DIAPH1: variants seen among roughly 807,000 people sequenced by gnomAD.
DIAPH1 encodes diaphanous related formin 1.
In DIAPH1, 46 loss-of-function variants were observed where a neutral mutation model predicts 140.7. The observed-to-expected ratio is 0.33, with a 90% CI of 0.26 to 0.42. DIAPH1 has a LOEUF of 0.42. Among genes scored for constraint, DIAPH1 ranks in the 10% least tolerant of loss-of-function variants. The pLI is 1.00. For missense variants in DIAPH1, 1,310 were observed against 1,558.7 expected, an observed-to-expected ratio of 0.84 and a Z score of 2.69; for synonymous variants, 565 against 551.6, an observed-to-expected ratio of 1.02 and a Z score of -0.34.
At chr5:141,566,385 G>GT (rs935185673) in intron 18 of DIAPH1, among the ~76,000 whole-genome samples, 129 of 152,308 alleles carry the variant, frequency 8.5e-4, no homozygotes, top group African/African-American at 3.1e-3. Flanking sequence ...GAGCTAAATT[G>GT]TTTGAGAAAT....
Position 141,565,672 on chromosome 5 carries a change from TGAG to T in DIAPH1, c.2482+5753_2482+5755del, listed in dbSNP as rs566623300. ...TGAGGATGAGGGAGGTTTGGGCTGT[TGAG>T]GAGGAAAAAAAGGTGTGAAATAACC... is the stretch of plus-strand genomic sequence containing the variant. On this transcript the variant is annotated intron_variant, in intron 18 of 27. Transcript: ENST00000389054. This position sits in a 1 kb window ranked among gnomAD's most constrained non-coding sequence, Gnocchi z 4.3. 2.6e-5 allele frequency among the ~76,000 whole-genome samples: 4 copies of T among 151,994 alleles called. No individual in the cohort carries two copies. The highest frequency in any genetic ancestry group is 5.9e-5 in the Non-Finnish European group (4 of 67,978).
chr5:141,550,891 G>A (rs189757419), intron 18 of DIAPH1, among the ~76,000 whole-genome samples: 123 of 152,268 alleles, frequency 8.1e-4, no homozygotes, highest in Non-Finnish European at 1.4e-3. Context: ...CATGTAACAC[G>A]AATAGTCTTA....
At chr5:141,540,327 G>A (rs2099889779) in intron 18 of DIAPH1, among the ~76,000 whole-genome samples, 1 of 151,878 alleles carries the variant, frequency 6.6e-6, no homozygotes, top group African/African-American at 2.4e-5. Context: ...ATATCGCCCA[G>A]GCTAGAATGA....
chr5:141,527,512 C>T (rs2099887550), intron 24 of DIAPH1, 61 bp downstream of exon 24: 4 of 1,584,100 alleles, frequency 2.5e-6, no homozygotes, highest in Non-Finnish European at 3.4e-6. Context: ...GTTTTTCCCC[C>T]ACTACAGGAA....
chr5:141,523,773 T>G (rs2099886901), intron 27 of DIAPH1, among the ~76,000 whole-genome samples: 1 of 151,332 alleles, frequency 6.6e-6, no homozygotes, highest in African/African-American at 2.4e-5. Flanking sequence ...TCTGACTTAT[T>G]TTTTCTTTGA....
At chr5:141,556,877 T>C (rs1306730680) in intron 18 of DIAPH1, among the ~76,000 whole-genome samples, 1 of 152,140 alleles carries the variant, frequency 6.6e-6, no homozygotes, top group African/African-American at 2.4e-5. Context: ...GTATTTTTAG[T>C]AGAGACGAGG....
At chr5:141,591,712 A>ATATATATATATATATATT (rs1426398756) in intron 1 of DIAPH1, among the ~76,000 whole-genome samples, 1 of 71,674 alleles carries the variant, frequency 1.4e-5, no homozygotes, top group Non-Finnish European at 3.1e-5. Flanking sequence ...ATATATATAT[A>ATATATATATATATATATT]TATATATATA....
Position 141,570,391 on chromosome 5 carries a change from G to C in DIAPH1, c.2482+1037C>G, listed in dbSNP as rs114722666. 3.8e-3 allele frequency among the ~76,000 whole-genome samples: 571 copies of C among 152,170 alleles called. 3 individuals are homozygous for C. Among genetic ancestry groups the C allele is most frequent in the African/African-American group, 0.012 (514 of 41,502 alleles). ...TAAGAGAGTGGAATTAATCCCTTAG[G>C]CTGGACTTTGGCATGGAAGGTGACA... On this transcript the variant is annotated intron_variant, in intron 18 of 27. Coordinates refer to ENST00000389054, the MANE Select transcript of DIAPH1 (RefSeq NM_005219.5).
At chr5:141,532,285 C>T (rs2099888351) in intron 19 of DIAPH1, among the ~76,000 whole-genome samples, 1 of 152,138 alleles carries the variant, frequency 6.6e-6, no homozygotes, top group Non-Finnish European at 1.5e-5. Context: ...GATCCTTCTG[C>T]CTTAGCCTCC....
At chr5:141,605,436 C>T (rs954736399) in intron 1 of DIAPH1, among the ~76,000 whole-genome samples, 1 of 152,038 alleles carries the variant, frequency 6.6e-6, no homozygotes, top group Non-Finnish European at 1.5e-5. Flanking sequence ...AAAAAGCACA[C>T]ACAAAAAATC....
At chr5:141,615,428 T>C (rs573628260) in intron 1 of DIAPH1, among the ~76,000 whole-genome samples, 28 of 59,676 alleles carry the variant, frequency 4.7e-4, no homozygotes, top group African/African-American at 1.6e-3. Context: ...AAGACTCGTC[T>C]CAGAAAAAGA....
rs56010216 is a variant in DIAPH1 at position 141,528,398 on chromosome 5, T to C, written c.3148+55A>G. 5,673 of 1,612,604 alleles carry C rather than the reference T, an allele frequency of 3.5e-3. 17 individuals carry two copies. The highest frequency in any genetic ancestry group is 4.4e-3 in the Non-Finnish European group (5,242 of 1,179,598). On this transcript the variant is annotated intron_variant, in intron 23 of 27. Coordinates refer to ENST00000389054, the MANE Select transcript of DIAPH1 (RefSeq NM_005219.5). ...GCTCTCACATCTAGACTGTGTCTTA[T>C]TTCCCTCCCCATGCAGAGACTTTTG... is the stretch of plus-strand genomic sequence containing the variant.
At chr5:141,563,134 C>A (rs1024943464) in intron 18 of DIAPH1, 2 of 152,302 alleles carry the variant, frequency 1.3e-5, no homozygotes, top group African/African-American at 2.4e-5. Context: ...TCACTCTGCC[C>A]TCCATCCATC....
At chr5:141,594,499 T>C (rs542732180) in intron 1 of DIAPH1, among the ~76,000 whole-genome samples, 31 of 152,274 alleles carry the variant, frequency 2.0e-4, no homozygotes, top group African/African-American at 5.1e-4. Context: ...CATGGCACTC[T>C]GGGAGGCTGA....
At chr5:141,571,864 C>G (rs1490193963) in intron 17 of DIAPH1, 62 bp downstream of exon 17, 4 of 1,200,936 alleles carry the variant, frequency 3.3e-6, no homozygotes, top group Non-Finnish European at 5.0e-6. Context: ...GAATAGGAAA[C>G]CTAATGAAAA....
chr5:141,565,971 T>G lies in DIAPH1; in HGVS notation c.2482+5457A>C, dbSNP rs542394354. Among the ~76,000 whole-genome samples the G allele has an allele frequency of 5.9e-5, 9 of 152,304 alleles. No homozygotes were observed. The highest frequency in any genetic ancestry group is 2.2e-4 in the African/African-American group (9 of 41,556). ...AGACAGAAAAGGAATTAACCGGGAT[T>G]GTGGTTTTGCCAATCGAGTATGAAA... On this transcript the variant is annotated intron_variant, in intron 18 of 27. Coordinates refer to ENST00000389054, the MANE Select transcript of DIAPH1 (RefSeq NM_005219.5). The surrounding 1 kb of genome is among the most constrained non-coding windows in gnomAD (Gnocchi z 4.3).
chr5:141,610,964 C>T lies in DIAPH1; in HGVS notation c.117+7834G>A, dbSNP rs535932782. Among the ~76,000 whole-genome samples, 266 of 151,810 alleles carry T rather than the reference C, an allele frequency of 1.8e-3. 2 individuals are homozygous for T. Among genetic ancestry groups the T allele is most frequent in the Non-Finnish European group, 8.0e-4 (54 of 67,912 alleles). On this transcript the variant is annotated intron_variant, in intron 1 of 27. Transcript: ENST00000389054. ...ATCAGCCAGGCATTGTGGTGCATGC[C>T]GGTAGTCCCAGATACTCCAGGAGAC... is the stretch of plus-strand genomic sequence containing the variant.
rs147149234 is a variant in DIAPH1, at chr5:141,613,708, T to C, written c.117+5090A>G. Among the ~76,000 whole-genome samples the C allele has an allele frequency of 1.3e-3, 193 of 152,344 alleles. 1 individual carries two copies. Among genetic ancestry groups the C allele is most frequent in the Admixed American group, 2.1e-3 (32 of 15,304 alleles). ...GGTAAAATTCATTAAAATATTAGTC[T>C]ATTTCTCTTTTCCTTCAGTAATTCT... On this transcript the variant is annotated intron_variant, in intron 1 of 27. Coordinates refer to ENST00000389054, the MANE Select transcript of DIAPH1 (RefSeq NM_005219.5).
At chr5:141,537,483 CAAAAAAAAAAAAAAAAA>C (rs34323841) in intron 18 of DIAPH1, among the ~76,000 whole-genome samples, 1 of 36,950 alleles carries the variant, frequency 2.7e-5, no homozygotes. Context: ...AACTCCGTCT[CAAAAAAAAAAAAAAAAA>C]AAAAAAAAAG....
Sources: allele counts gnomAD v4.1 joint callset (sites outside exome capture counted in the v4.1 genomes callset), GRCh38; gene constraint gnomAD v4.1.1; non-coding constraint Gnocchi (gnomAD v3.1); transcripts MANE v1.5; gene names NCBI Gene and HGNC (gene_info 2026-07-23, HGNC 2026-07-21).